Variants in SH3RF3 observed in about 807,000 individuals in gnomAD.
The protein encoded by SH3RF3 is E3 ubiquitin-protein ligase SH3RF3.
In SH3RF3, 29 loss-of-function variants were observed where a neutral mutation model predicts 66.3. The ratio of observed to expected loss-of-function variants is 0.44; its 90% CI spans 0.33 to 0.60. SH3RF3 has a LOEUF of 0.60. Among genes scored for constraint, SH3RF3 ranks in the 20% least tolerant of loss-of-function variants. SH3RF3 has a pLI of 0.04. For synonymous variants in SH3RF3, 583 were observed against 532.0 expected (o/e 1.10, Z -1.32); for missense variants, 1,194 against 1,190.9 (o/e 1.00, Z -0.04).
At chr2:109,170,846 T>G (rs1677764798) in intron 1 of SH3RF3, among the ~76,000 whole-genome samples, 1 of 152,170 alleles carries the variant, frequency 6.6e-6, no homozygotes, top group Non-Finnish European at 1.5e-5. Context: ...AGAGGGCGCT[T>G]TTCTCCCCTC....
intron 1 of SH3RF3, among the ~76,000 whole-genome samples, chr2:109,272,582 C>T (rs542679770): frequency 3.3e-5 from 5 of 152,344 alleles, no homozygotes; most frequent in East Asian, 3.9e-4. Context: ...TCAGAGCGCT[C>T]GTTCCTTTGG....
intron 8 of SH3RF3, among the ~76,000 whole-genome samples, chr2:109,466,940 T>C (rs961716028): frequency 6.6e-6 from 1 of 151,552 alleles, no homozygotes; most frequent in Non-Finnish European, 1.5e-5. Context: ...CATGTATGTG[T>C]GTGTCTATAT....
intron 4 of SH3RF3, among the ~76,000 whole-genome samples, chr2:109,402,657 T>G (rs1220769522): frequency 6.6e-6 from 1 of 152,090 alleles, no homozygotes; most frequent in Non-Finnish European, 1.5e-5. Flanking sequence ...ATAAAGAACA[T>G]CTTGACTGAC....
At chr2:109,361,722 C>T (rs1683054203) in intron 2 of SH3RF3, among the ~76,000 whole-genome samples, 1 of 152,106 alleles carries the variant, frequency 6.6e-6, no homozygotes, top group Admixed American at 6.6e-5. Flanking sequence ...ATAATCTGCC[C>T]ACCTCAGCCT....
chr2:109,310,768 T>TA (rs1681706113), intron 1 of SH3RF3, among the ~76,000 whole-genome samples: 1 of 94,552 alleles, frequency 1.1e-5, no homozygotes, highest in Non-Finnish European at 1.9e-5. Context: ...CCTCAACACA[T>TA]ACACTCTCCC....
At chr2:109,260,222 G>A (rs1327002126) in intron 1 of SH3RF3, among the ~76,000 whole-genome samples, 1 of 152,112 alleles carries the variant, frequency 6.6e-6, no homozygotes. Flanking sequence ...GCAGCCCTGT[G>A]ATTTACCGTC....
chr2:109,140,443 C>T (rs1574470240), intron 1 of SH3RF3, among the ~76,000 whole-genome samples: 2 of 151,634 alleles, frequency 1.3e-5, no homozygotes, highest in Non-Finnish European at 2.9e-5. Flanking sequence ...TGCAGTGGTG[C>T]GATCTTGGCT....
rs143784895 is a variant in SH3RF3, at chr2:109,185,401, A to C, written c.573+55288A>C. 9.2e-4 allele frequency among the ~76,000 whole-genome samples: 140 copies of C among 152,372 alleles called. 1 individual carries two copies. The highest frequency in any genetic ancestry group is 3.2e-3 in the African/African-American group (132 of 41,590). On this transcript the variant is annotated intron_variant, in intron 1 of 9. Transcript: ENST00000309415. ...ACAGCTGTGCTTTTTATCACAGGGA[A>C]CCTAAAGAAAAATTCTTACTTTAAA...
intron 2 of SH3RF3, among the ~76,000 whole-genome samples, chr2:109,353,903 CT>C (rs1382744267): frequency 1.3e-5 from 2 of 152,288 alleles, no homozygotes; most frequent in Admixed American, 6.5e-5. Context: ...TGAGGGGCCC[CT>C]GCCTCCCTCT....
chr2:109,457,583 G>T (rs549904803), intron 8 of SH3RF3, among the ~76,000 whole-genome samples: 2 of 152,238 alleles, frequency 1.3e-5, no homozygotes, highest in Non-Finnish European at 2.9e-5. Flanking sequence ...CAAGCGATGC[G>T]TGTGACAGTG....
chr2:109,179,938 A>G (rs750240992), intron 1 of SH3RF3, among the ~76,000 whole-genome samples: 4 of 144,362 alleles, frequency 2.8e-5, no homozygotes, highest in Non-Finnish European at 1.5e-5. Context: ...GCTATTAAAC[A>G]AGACAGAGGC....
intron 1 of SH3RF3, among the ~76,000 whole-genome samples, chr2:109,144,870 C>T (rs1447119715): frequency 6.6e-6 from 1 of 152,238 alleles, no homozygotes; most frequent in African/African-American, 2.4e-5. Context: ...GGGAATAGGC[C>T]TCGCTCAGCA....
intron 1 of SH3RF3, among the ~76,000 whole-genome samples, chr2:109,251,164 G>T (rs1256446948): frequency 2.0e-5 from 3 of 151,888 alleles, no homozygotes; most frequent in African/African-American, 7.3e-5. Context: ...CACCATGCCT[G>T]GCTAATTTTT....
chr2:109,326,938 A>G (rs1181591210), intron 1 of SH3RF3, among the ~76,000 whole-genome samples: 1 of 152,212 alleles, frequency 6.6e-6, no homozygotes, highest in African/African-American at 2.4e-5. Flanking sequence ...TTCCAGTTCA[A>G]CTGCTGGGTT....
intron 3 of SH3RF3, among the ~76,000 whole-genome samples, chr2:109,390,862 C>A (rs1675970319): frequency 6.6e-6 from 1 of 152,190 alleles, no homozygotes; most frequent in Admixed American, 6.5e-5. Context: ...AGGGCACTGG[C>A]AGAGGGCGGC....
intron 1 of SH3RF3, among the ~76,000 whole-genome samples, chr2:109,145,817 A>C (rs2104849505): frequency 6.6e-6 from 1 of 152,278 alleles, no homozygotes; most frequent in East Asian, 1.9e-4. Flanking sequence ...TGTAGTGGCC[A>C]GTGGCAATGC....
chr2:109,134,157 C>G (rs935795846), intron 1 of SH3RF3, among the ~76,000 whole-genome samples: 6 of 152,140 alleles, frequency 3.9e-5, no homozygotes, highest in Non-Finnish European at 5.9e-5. Context: ...ATAATCCTGC[C>G]AAGTGGCTGG....
At chr2:109,279,129 A>G (rs1268921848) in intron 1 of SH3RF3, among the ~76,000 whole-genome samples, 1 of 152,182 alleles carries the variant, frequency 6.6e-6, no homozygotes, top group East Asian at 1.9e-4. Context: ...CTGGAAAACC[A>G]TCCATGGGAT....
chr2:109,433,440 G>A (rs1273263828), intron 6 of SH3RF3, among the ~76,000 whole-genome samples: 3 of 152,142 alleles, frequency 2.0e-5, no homozygotes, highest in Admixed American at 6.5e-5. Flanking sequence ...GGAATTTTTC[G>A]CTGAGATGAG....
Sources: allele counts gnomAD v4.1 joint callset (sites outside exome capture counted in the v4.1 genomes callset), GRCh38; gene constraint gnomAD v4.1.1; transcripts MANE v1.5; gene names NCBI Gene and HGNC (gene_info 2026-07-23, HGNC 2026-07-21).